The following MYOM1 variants were observed in gnomAD, a reference collection of about 807,000 sequenced individuals.
The protein encoded by MYOM1 is myomesin-1.
Under a neutral mutation model 205.3 loss-of-function variants are expected in MYOM1, and 164 were observed. The observed-to-expected ratio is 0.80, with a 90% CI of 0.70 to 0.91. The LOEUF (loss-of-function observed/expected upper bound fraction) is 0.91, where lower values mean the gene tolerates loss of function less well. Among genes scored for constraint, MYOM1 ranks in the 40% least tolerant of loss-of-function variants. The pLI is 0.00. For missense variants in MYOM1, 2,011 were observed against 2,127.3 expected, an observed-to-expected ratio of 0.95 and a Z score of 1.08; for synonymous variants, 772 against 789.4, an observed-to-expected ratio of 0.98 and a Z score of 0.37.
intron 10 of MYOM1, among the ~76,000 whole-genome samples, chr18:3,156,908 G>A (rs904943217): frequency 2.6e-5 from 4 of 152,124 alleles, no homozygotes; most frequent in African/African-American, 9.7e-5. Flanking sequence ...CGCGCCCGGC[G>A]AGACACTTCT....
chr18:3,174,592 G>A (rs918038568), intron 6 of MYOM1, among the ~76,000 whole-genome samples: 3 of 152,282 alleles, frequency 2.0e-5, no homozygotes, highest in Non-Finnish European at 4.4e-5. Context: ...ATGTGCAGGC[G>A]TGTACCTTTG....
At chr18:3,112,089 C>CT (rs1483413019) in intron 22 of MYOM1, among the ~76,000 whole-genome samples, 1 of 152,160 alleles carries the variant, frequency 6.6e-6, no homozygotes. Flanking sequence ...AGAACAGCCC[C>CT]TAGACCACGT....
intron 2 of MYOM1, among the ~76,000 whole-genome samples, chr18:3,208,570 T>C (rs2081154896): frequency 6.6e-6 from 1 of 152,220 alleles, no homozygotes; most frequent in Non-Finnish European, 1.5e-5. Flanking sequence ...AGTAACTCTC[T>C]GGCTTTTCTG....
chr18:3,238,606 TAC>T, the MYOM1 span, among the ~76,000 whole-genome samples: 1 of 152,144 alleles, frequency 6.6e-6, no homozygotes, highest in Non-Finnish European at 1.5e-5. Context: ...TGTGATACGG[TAC>T]ATTAGTTTTT....
intron 19 of MYOM1, 34 bp downstream of exon 19, chr18:3,126,667 G>C (rs1450318230): frequency 1.9e-6 from 3 of 1,584,512 alleles, no homozygotes; most frequent in South Asian, 1.2e-5. Flanking sequence ...GTCATACATA[G>C]GACACGCCAC....
intron 12 of MYOM1, among the ~76,000 whole-genome samples, chr18:3,149,420 C>T (rs1243011110): frequency 2.0e-5 from 3 of 152,096 alleles, no homozygotes; most frequent in African/African-American, 7.2e-5. Flanking sequence ...CTAGAATCTG[C>T]CTGGACTGGC....
At chr18:3,077,138 G>C (rs1000103173) in intron 34 of MYOM1, among the ~76,000 whole-genome samples, 1 of 151,322 alleles carries the variant, frequency 6.6e-6, no homozygotes, top group Non-Finnish European at 1.5e-5. Context: ...TCTGCTTCTC[G>C]AGTAGCTGGG....
intron 2 of MYOM1, among the ~76,000 whole-genome samples, chr18:3,212,279 A>C (rs1023864815): frequency 7.9e-5 from 12 of 152,242 alleles, no homozygotes; most frequent in Admixed American, 6.5e-4. Flanking sequence ...AGTAGGAAGG[A>C]AAAAGTAATG....
intron 3 of MYOM1, among the ~76,000 whole-genome samples, chr18:3,191,681 A>G (rs1391172072): frequency 6.6e-6 from 1 of 151,590 alleles, no homozygotes; most frequent in Non-Finnish European, 1.5e-5. Flanking sequence ...TAGAAGATCA[A>G]TTTTTCTTCA....
upstream of MYOM1, among the ~76,000 whole-genome samples, chr18:3,220,419 T>A (rs750073210): frequency 2.6e-5 from 4 of 152,174 alleles, no homozygotes; most frequent in Admixed American, 1.3e-4. Flanking sequence ...TGGTGGCGAT[T>A]TTTGCCTGAC....
rs151144568 is a variant in MYOM1 at position 3,092,173 on chromosome 18, A to G, written c.3865-1371T>C. 2.1e-4 allele frequency among the ~76,000 whole-genome samples: 32 copies of G among 151,948 alleles called. 1 individual carries two copies. In the East Asian group the frequency reaches 6.0e-3, roughly 29 times the overall value. On this transcript the variant is annotated intron_variant, in intron 26 of 37. Transcript: ENST00000356443. ...TAATAAATATCTGCTGAACTAATAC[A>G]TGAAAAAAAATGCTTCTAAATGTGT...
chr18:3,197,089 A>G (rs1251505991), intron 2 of MYOM1, among the ~76,000 whole-genome samples: 1 of 147,738 alleles, frequency 6.8e-6, no homozygotes, highest in African/African-American at 2.5e-5. Context: ...TCTCTTCTTG[A>G]TTTTCAGGTT....
At chr18:3,085,226 C>A in intron 30 of MYOM1, 94 bp from the exon 31 acceptor site, 2 of 202,998 alleles carry the variant, frequency 9.9e-6, no homozygotes, top group Non-Finnish European at 1.7e-5. Context: ...TCTGCTGCTG[C>A]TGCTTTTTTT....
chr18:3,075,723 A>T lies in MYOM1; in HGVS notation c.4685+2T>A. 1 of 1,601,644 alleles carries T rather than the reference A, an allele frequency of 6.2e-7. No homozygotes were observed. The highest frequency in any genetic ancestry group is 8.5e-7 in the Non-Finnish European group (1 of 1,173,174). On this transcript the variant is annotated splice_donor_variant, in intron 35 of 37. Transcript: ENST00000356443. LOFTEE classifies it high-confidence loss of function. Reference sequence around the variant, plus strand: ...TGGCATTTGCTAGGACCAGGGACTTACTTCAACCTCTGGAATTCAGCATAG... The same window carrying T: ...TGGCATTTGCTAGGACCAGGGACTTTCTTCAACCTCTGGAATTCAGCATAG...
intron 34 of MYOM1, among the ~76,000 whole-genome samples, chr18:3,076,837 C>T (rs2079025516): frequency 6.6e-6 from 1 of 151,646 alleles, no homozygotes; most frequent in Non-Finnish European, 1.5e-5. Context: ...CCTCAGCCTC[C>T]TGAGTAGCTG....
the MYOM1 span, among the ~76,000 whole-genome samples, chr18:3,226,884 T>G: frequency 6.6e-6 from 1 of 152,188 alleles, no homozygotes; most frequent in Admixed American, 6.5e-5. This position sits in a 1 kb window ranked among gnomAD's most constrained non-coding sequence, Gnocchi z 4.6. Flanking sequence ...TAGGAGTCAG[T>G]GTGGCCAGGG....
chr18:3,134,594 T>C, intron 16 of MYOM1, 56 bp downstream of exon 16: 11 of 1,510,630 alleles, frequency 7.3e-6, no homozygotes, highest in Non-Finnish European at 8.9e-7. Context: ...GTGTGCCGTA[T>C]GTGTCTATGG....
rs373194302 is a variant in MYOM1 at position 3,067,506 on chromosome 18, G to A, written c.4814C>T (p.Ser1605Leu). The change falls in exon 38 of 38, where the codon TCG becomes TTG. Residue 1605 changes from serine (S) to leucine (L), a missense_variant. Ser to Leu is a moderately radical substitution (Grantham distance 145, BLOSUM62 -2). Coordinates refer to ENST00000356443, the MANE Select transcript of MYOM1 (RefSeq NM_003803.4). ...NVWGDPPPEV[S>L]WLKNEKALAS... ...CAGGGCCTTCTCGTTCTTCAACCAC[G>A]ACACCTCCGGAGGCGGGTCTCCCCA... 58 of 1,613,702 alleles carry A rather than the reference G, an allele frequency of 3.6e-5. No individual in the cohort carries two copies. The highest frequency in any genetic ancestry group is 5.0e-5 in the Admixed American group (3 of 59,998).
At chr18:3,182,124 G>A (rs899583755) in intron 5 of MYOM1, among the ~76,000 whole-genome samples, 4 of 152,252 alleles carry the variant, frequency 2.6e-5, no homozygotes, top group South Asian at 2.1e-4. Context: ...CATGAGTGCC[G>A]AGTGAGTGAA....
Sources: gnomAD v4.1 joint callset for allele counts (sites outside exome capture counted in the v4.1 genomes callset) on GRCh38, gnomAD v4.1.1 for gene constraint, Gnocchi (gnomAD v3.1) non-coding constraint, MANE v1.5 for transcripts, NCBI Gene and HGNC (gene_info 2026-07-23, HGNC 2026-07-21) for gene names.